Variants in KCNH7 observed in about 807,000 individuals in gnomAD.
KCNH7 encodes potassium voltage-gated channel subfamily H member 7, also known as voltage-gated inwardly rectifying potassium channel KCNH7.
KCNH7 carries 49 observed loss-of-function variants against 120.8 expected under a neutral mutation model. That is an observed-to-expected ratio of 0.41 (90% CI 0.32 to 0.51). The LOEUF (loss-of-function observed/expected upper bound fraction) is 0.51, where lower values mean the gene tolerates loss of function less well. Among genes scored for constraint, KCNH7 ranks in the 20% least tolerant of loss-of-function variants. The pLI, the probability that KCNH7 is intolerant of heterozygous loss-of-function variation, is 0.38. For synonymous variants in KCNH7, 547 were observed against 516.1 expected, an observed-to-expected ratio of 1.06 and a Z score of -0.81; for missense variants, 1,097 against 1,446.6, an observed-to-expected ratio of 0.76 and a Z score of 3.92.
intron 2 of KCNH7, among the ~76,000 whole-genome samples, chr2:162,654,071 T>C (rs13397850): frequency 0.24 from 36,702 of 150,472 alleles, 6,956 homozygotes; most frequent in African/African-American, 0.51. Context: ...AAAAGCTCCA[T>C]GACCTTAGTG....
Position 162,831,692 on chromosome 2 carries a change from A to G in KCNH7, c.307+4845T>C, listed in dbSNP as rs577047418. ...AAAACCAAAACCAACCAACAAACCAACCAAAAACCTTTGGAAGCCAGTAAA... is the reference window on the plus strand; with the variant it reads ...AAAACCAAAACCAACCAACAAACCAGCCAAAAACCTTTGGAAGCCAGTAAA... On this transcript the variant is annotated intron_variant, in intron 2 of 15. Transcript: ENST00000332142. Among the ~76,000 whole-genome samples, 20 of 152,260 alleles carry G rather than the reference A, an allele frequency of 1.3e-4. No individual in the cohort carries two copies. The East Asian group carries it at 3.7e-3, about 28-fold the overall frequency.
intron 2 of KCNH7, among the ~76,000 whole-genome samples, chr2:162,730,346 A>G (rs1687681854): frequency 6.6e-6 from 1 of 151,304 alleles, no homozygotes; most frequent in Non-Finnish European, 1.5e-5. Flanking sequence ...AGATTAATTA[A>G]AAATTACATA....
chr2:162,423,378 G>C lies in KCNH7; in HGVS notation c.2112C>G (p.Phe704Leu), dbSNP rs776740890. Residue 704 changes from phenylalanine to leucine, a missense_variant, in exon 9 of 16, where the codon TTC becomes TTG. Around this residue, in one of 8 missense-constraint regions of KCNH7, gnomAD observed 101 missense variants for 176.3 expected, o/e 0.57. Transcript: ENST00000332142. ...NPLRQRLEEY[F>L]QHAWTYTNGI... ...CATTGGTGTAAGTCCATGCGTGCTG[G>C]AAATATTCTTCAAGACGTTGCCTCA... The C allele has an allele frequency of 6.2e-7, 1 of 1,614,126 alleles. No homozygotes were observed. The highest frequency in any genetic ancestry group is 2.2e-5 in the East Asian group (1 of 44,876).
intron 2 of KCNH7, among the ~76,000 whole-genome samples, chr2:162,778,217 C>G (rs891446167): frequency 6.6e-6 from 1 of 152,072 alleles, no homozygotes; most frequent in Non-Finnish European, 1.5e-5. Flanking sequence ...TCTATATATA[C>G]ATTTTTTCAT....
intron 2 of KCNH7, among the ~76,000 whole-genome samples, chr2:162,816,800 A>G (rs1012029509): frequency 6.6e-6 from 1 of 152,214 alleles, no homozygotes; most frequent in Non-Finnish European, 1.5e-5. Context: ...AAATCATGAA[A>G]ATAAATCCTG....
chr2:162,543,345 T>A (rs1692377467), intron 2 of KCNH7, among the ~76,000 whole-genome samples: 1 of 151,928 alleles, frequency 6.6e-6, no homozygotes, highest in South Asian at 2.1e-4. Flanking sequence ...CAATAGTGAA[T>A]GTATTTAGAT....
At chr2:162,458,104 C>CAT (rs1553478814) in intron 6 of KCNH7, among the ~76,000 whole-genome samples, 10 of 130,886 alleles carry the variant, frequency 7.6e-5, no homozygotes, top group African/African-American at 2.8e-4. Flanking sequence ...TGGCTATGTG[C>CAT]GTGTGTGTGT....
chr2:162,500,281 T>C (rs1040597727), intron 6 of KCNH7, among the ~76,000 whole-genome samples: 17 of 141,646 alleles, frequency 1.2e-4, no homozygotes, highest in African/African-American at 4.5e-4. Context: ...TCAGCACATA[T>C]AATATATAAC....
intron 2 of KCNH7, among the ~76,000 whole-genome samples, chr2:162,817,851 G>C (rs1349912326): frequency 2.0e-5 from 3 of 151,914 alleles, no homozygotes. Flanking sequence ...GTCTACATAA[G>C]CCTCTTACAT....
chr2:162,807,392 G>T (rs2105558609), intron 2 of KCNH7, among the ~76,000 whole-genome samples: 1 of 151,780 alleles, frequency 6.6e-6, no homozygotes, highest in East Asian at 2.0e-4. Flanking sequence ...AGCCGATATG[G>T]TGCCACTGCC....
chr2:162,375,234 T>C (rs1686119482), intron 14 of KCNH7, among the ~76,000 whole-genome samples: 1 of 152,174 alleles, frequency 6.6e-6, no homozygotes, highest in Admixed American at 6.5e-5. Flanking sequence ...GTTTATTACA[T>C]TGAATGTAAA....
At chr2:162,735,873 C>T (rs760891961) in intron 2 of KCNH7, among the ~76,000 whole-genome samples, 34 of 152,246 alleles carry the variant, frequency 2.2e-4, no homozygotes, top group Admixed American at 9.8e-4. Flanking sequence ...CAAGCTGTGA[C>T]AATTTTACAC....
intron 2 of KCNH7, among the ~76,000 whole-genome samples, chr2:162,626,062 T>C (rs1683543915): frequency 6.6e-6 from 1 of 152,096 alleles, no homozygotes; most frequent in African/African-American, 2.4e-5. Flanking sequence ...GATCGTGGAG[T>C]ACTGTAGATG....
chr2:162,642,136 C>G (rs953132519), intron 2 of KCNH7, among the ~76,000 whole-genome samples: 2 of 152,114 alleles, frequency 1.3e-5, no homozygotes, highest in Non-Finnish European at 2.9e-5. Flanking sequence ...TTCAGGATCT[C>G]AAGCCTTAGT....
At chr2:162,686,350 C>T (rs1685890288) in intron 2 of KCNH7, among the ~76,000 whole-genome samples, 1 of 152,080 alleles carries the variant, frequency 6.6e-6, no homozygotes. Context: ...AGTGAATGTA[C>T]CAATTCGTTT....
chr2:162,828,344 T>C (rs1244849224), intron 2 of KCNH7, among the ~76,000 whole-genome samples: 1 of 152,162 alleles, frequency 6.6e-6, no homozygotes, highest in Non-Finnish European at 1.5e-5. Context: ...TGTATTTTAA[T>C]TTTTATCATC....
intron 13 of KCNH7, 105 bp downstream of exon 13, chr2:162,384,583 G>A (rs779731831): frequency 1.4e-4 from 155 of 1,109,472 alleles, no homozygotes; most frequent in Admixed American, 4.7e-4. Flanking sequence ...ATGAAGTTGA[G>A]AACAATTAGA....
chr2:162,768,294 G>C (rs555234105), intron 2 of KCNH7, among the ~76,000 whole-genome samples: 18 of 152,070 alleles, frequency 1.2e-4, no homozygotes, highest in Non-Finnish European at 7.4e-5. Context: ...TTGGAGAAAG[G>C]CCTCAAATTG....
chr2:162,698,420 A>G (rs574681206), intron 2 of KCNH7, among the ~76,000 whole-genome samples: 1 of 143,356 alleles, frequency 7.0e-6, no homozygotes, highest in East Asian at 2.0e-4. Flanking sequence ...GGATAACTTT[A>G]ATCGCCGTCT....
Sources: gnomAD v4.1 joint callset for allele counts (sites outside exome capture counted in the v4.1 genomes callset) on GRCh38, gnomAD v4.1.1 for gene constraint, gnomAD v4.1.1 regional missense constraint, MANE v1.5 for transcripts, NCBI Gene and HGNC (gene_info 2026-07-23, HGNC 2026-07-21) for gene names.